ADARB2: variants seen among roughly 807,000 people sequenced by gnomAD.
The protein encoded by ADARB2 is adenosine deaminase RNA specific B2 (inactive), also known as inactive double-stranded RNA-specific editase B2.
Under a neutral mutation model 62.2 loss-of-function variants are expected in ADARB2, and 25 were observed. The ratio of observed to expected loss-of-function variants is 0.40; its 90% CI spans 0.29 to 0.56. ADARB2 has a LOEUF of 0.56. Among genes scored for constraint, ADARB2 ranks in the 20% least tolerant of loss-of-function variants. The pLI is 0.43. For synonymous variants in ADARB2, 572 were observed against 500.8 expected (o/e 1.14, Z -1.90); for missense variants, 1,071 against 1,077.4 (o/e 0.99, Z 0.08).
At chr10:1,194,301 G>T (rs963696879) in intron 8 of ADARB2, among the ~76,000 whole-genome samples, 8 of 152,212 alleles carry the variant, frequency 5.3e-5, no homozygotes, top group African/African-American at 1.9e-4. Flanking sequence ...GAAGAGCAAA[G>T]ACTCAGGTTC....
At chr10:1,543,138 C>T (rs1832463732) in intron 1 of ADARB2, among the ~76,000 whole-genome samples, 1 of 152,230 alleles carries the variant, frequency 6.6e-6, no homozygotes, top group South Asian at 2.1e-4. Context: ...TCCCTGCTCT[C>T]CCTGCTCTCT....
intron 4 of ADARB2, among the ~76,000 whole-genome samples, chr10:1,263,881 G>A (rs1831168358): frequency 6.6e-6 from 1 of 152,162 alleles, no homozygotes; most frequent in South Asian, 2.1e-4. Flanking sequence ...TCCAGTCATT[G>A]ATTTTCTTTT....
In ADARB2 at chr10:1,216,759, G is replaced by A. The variant is rs980916212; in HGVS notation, c.1682+192C>T. On this transcript the variant is annotated intron_variant, in intron 7 of 9. Transcript: ENST00000381312. The stretch of plus-strand genomic sequence containing the variant: ...CAGGGCCTTGCTCCCTCAGGGACTC[G>A]GGGTGCCTTGGCCTCAGGGTGTGGG... The A allele has an allele frequency of 1.5e-5, 11 of 741,068 alleles. No homozygotes were observed. The Admixed American group carries it at 1.5e-4, about 10-fold the overall frequency. 45.9% of individuals were successfully genotyped at this position (741,068 alleles called of 1,614,324 possible).
chr10:1,380,812 T>C (rs1336379415), intron 1 of ADARB2, among the ~76,000 whole-genome samples: 1 of 152,192 alleles, frequency 6.6e-6, no homozygotes, highest in Non-Finnish European at 1.5e-5. Flanking sequence ...GAATGAAATA[T>C]CTTGCTTGAA....
intron 1 of ADARB2, among the ~76,000 whole-genome samples, chr10:1,688,094 G>T (rs1268191847): frequency 6.6e-6 from 1 of 152,236 alleles, no homozygotes; most frequent in Non-Finnish European, 1.5e-5. Context: ...AAGCCTTCGT[G>T]TTGTCCCATT....
intron 1 of ADARB2, among the ~76,000 whole-genome samples, chr10:1,669,909 C>A (rs1834361837): frequency 6.6e-6 from 1 of 151,780 alleles, no homozygotes; most frequent in South Asian, 2.1e-4. Context: ...CACAGACACA[C>A]CCATAGAGAG....
At chr10:1,734,620 A>C (rs1036208937) in intron 1 of ADARB2, among the ~76,000 whole-genome samples, 1 of 152,224 alleles carries the variant, frequency 6.6e-6, no homozygotes, top group African/African-American at 2.4e-5. Flanking sequence ...AGAAATACGC[A>C]TCTGACAGGC....
In ADARB2 at chr10:1,422,074, C is replaced by T. The variant is rs148590356; in HGVS notation, c.101-42914G>A. Among the ~76,000 whole-genome samples, 15 of 152,356 alleles carry T rather than the reference C, an allele frequency of 9.8e-5. No homozygotes were observed. The East Asian group carries it at 1.5e-3, about 16-fold the overall frequency. On this transcript the variant is annotated intron_variant, in intron 1 of 9. Coordinates refer to ENST00000381312, the MANE Select transcript of ADARB2 (RefSeq NM_018702.4). ...CACCAAAAGGCCCAACAATGGGCAACATCCCCCATCAAAGCCATGGACATA... is the reference window on the plus strand; with the variant it reads ...CACCAAAAGGCCCAACAATGGGCAATATCCCCCATCAAAGCCATGGACATA...
At chr10:1,613,243 C>T (rs1161188820) in intron 1 of ADARB2, among the ~76,000 whole-genome samples, 2 of 152,236 alleles carry the variant, frequency 1.3e-5, no homozygotes, top group South Asian at 4.1e-4. Flanking sequence ...TGGGGCAAAA[C>T]AAGCATTAGC....
intron 7 of ADARB2, among the ~76,000 whole-genome samples, chr10:1,203,345 C>T (rs148334956): frequency 2.5e-4 from 38 of 152,290 alleles, no homozygotes; most frequent in African/African-American, 7.7e-4. Flanking sequence ...GACAGGTCTC[C>T]GGTGGGTTGA....
intron 7 of ADARB2, among the ~76,000 whole-genome samples, chr10:1,203,664 C>T (rs2131744193): frequency 6.6e-6 from 1 of 150,978 alleles, no homozygotes; most frequent in Admixed American, 6.6e-5. Context: ...TTTCTCGGTG[C>T]CGCCCACGTG....
chr10:1,526,301 C>T (rs536949114), intron 1 of ADARB2, among the ~76,000 whole-genome samples: 1 of 152,130 alleles, frequency 6.6e-6, no homozygotes, highest in East Asian at 1.9e-4. Context: ...AACCCCATCC[C>T]TAGTCTTGTA....
chr10:1,678,048 A>G (rs1223262392), intron 1 of ADARB2: 1 of 496,444 alleles, frequency 2.0e-6, no homozygotes, highest in Non-Finnish European at 2.6e-6. Context: ...AAGGGAACAA[A>G]CTGGATAATT....
chr10:1,407,791 G>A (rs1347818983), intron 1 of ADARB2, among the ~76,000 whole-genome samples: 1 of 152,192 alleles, frequency 6.6e-6, no homozygotes, highest in African/African-American at 2.4e-5. Flanking sequence ...TGTCCTGGGG[G>A]TTGCTCTCGC....
intron 1 of ADARB2, among the ~76,000 whole-genome samples, chr10:1,677,632 A>T (rs992212387): frequency 6.6e-6 from 1 of 152,174 alleles, no homozygotes; most frequent in South Asian, 2.1e-4. Flanking sequence ...GGAGCTCAAG[A>T]AGGCGGCTGT....
chr10:1,368,287 C>T (rs116683747), intron 2 of ADARB2, among the ~76,000 whole-genome samples: 2,277 of 152,224 alleles, frequency 0.015, 49 homozygotes, highest in African/African-American at 0.051. Flanking sequence ...CAGGGACAAA[C>T]GGAGGCAGCA....
chr10:1,249,508 G>A (rs1273952906), intron 4 of ADARB2, among the ~76,000 whole-genome samples: 2 of 150,792 alleles, frequency 1.3e-5, no homozygotes, highest in African/African-American at 4.9e-5. Context: ...ACACTGATAA[G>A]GCATCTGACA....
intron 1 of ADARB2, among the ~76,000 whole-genome samples, chr10:1,406,885 C>T (rs1228564044): frequency 6.6e-6 from 1 of 152,170 alleles, no homozygotes; most frequent in East Asian, 1.9e-4. Flanking sequence ...GGAGTGGCCA[C>T]AGCTTGCAGG....
chr10:1,558,639 GC>G lies in ADARB2; in HGVS notation c.100+178411del, dbSNP rs1401298293. On this transcript the variant is annotated intron_variant, in intron 1 of 9. Coordinates refer to ENST00000381312, the MANE Select transcript of ADARB2 (RefSeq NM_018702.4). ...CCATCTAAACTCGAATCCCACCTCT[GC>G]CCCCCTCCGTGGGTGCTCAGCACCC... 1.6e-5 allele frequency among the ~76,000 whole-genome samples: 2 copies of G among 126,408 alleles called. 1 individual carries two copies. The highest frequency in any genetic ancestry group is 1.6e-4 in the Admixed American group (2 of 12,448). The allele number at this position is 126,408 out of a possible 152,430, so 82.9% of individuals were successfully genotyped here. A position where few individuals can be genotyped will look rare whatever the true frequency, so the allele number is the denominator to read the frequency against.
Sources: allele counts gnomAD v4.1 joint callset (sites outside exome capture counted in the v4.1 genomes callset), GRCh38; gene constraint gnomAD v4.1.1; transcripts MANE v1.5; gene names NCBI Gene and HGNC (gene_info 2026-07-23, HGNC 2026-07-21).